Variants in VNN1 observed in about 807,000 individuals in gnomAD.
The protein encoded by VNN1 is vanin 1, also known as pantetheinase.
A neutral mutation model predicts 41.9 loss-of-function variants in VNN1; 29 were observed. The ratio of observed to expected loss-of-function variants is 0.69; its 90% CI spans 0.52 to 0.94. The LOEUF (loss-of-function observed/expected upper bound fraction) is 0.94, where lower values mean the gene tolerates loss of function less well. Ranked by LOEUF, VNN1 falls within the 40% of genes least tolerant of loss-of-function variation. The probability of loss-of-function intolerance (pLI) is 0.00; values close to 1 mark genes in which losing one functional copy is unlikely to be tolerated. For synonymous variants in VNN1, 233 were observed against 224.4 expected, an observed-to-expected ratio of 1.04 and a Z score of -0.34; for missense variants, 637 against 621.1, an observed-to-expected ratio of 1.03 and a Z score of -0.27.
intron 2 of VNN1, among the ~76,000 whole-genome samples, chr6:132,696,934 T>C (rs1353589713): frequency 6.6e-6 from 1 of 151,678 alleles, no homozygotes; most frequent in African/African-American, 2.4e-5. Flanking sequence ...TGAAACCCCG[T>C]CTCCACTAAA....
At chr6:132,689,110 T>C (rs1014929234) in intron 5 of VNN1, among the ~76,000 whole-genome samples, 1 of 152,274 alleles carries the variant, frequency 6.6e-6, no homozygotes. Context: ...GGTCACAAAC[T>C]CCTGATCTCA....
Position 132,693,213 on chromosome 6 carries a change from C to A in VNN1, c.637G>T (p.Asp213Tyr). The part of the protein sequence containing the change: ...FGSFGIFTCF[D>Y]ILFHDPAVTL... ...ACAGCAGGATCATGGAAGAGTATAT[C>A]AAAGCATGTGAAAATGCCAAAACTT... Residue 213 changes from aspartate (D) to tyrosine (Y), a missense_variant, in exon 4 of 7, where the codon GAT becomes TAT. By Grantham distance (160) the Asp-to-Tyr change is radical. Transcript: ENST00000367928. 1.9e-6 allele frequency: 3 copies of A among 1,614,070 alleles called. No individual in the cohort carries two copies. Among genetic ancestry groups the A allele is most frequent in the Non-Finnish European group, 2.5e-6 (3 of 1,179,988 alleles).
chr6:132,686,290 T>C (rs374761456), intron 5 of VNN1, among the ~76,000 whole-genome samples: 14 of 151,804 alleles, frequency 9.2e-5, no homozygotes, highest in African/African-American at 3.4e-4. Flanking sequence ...GTACCAAAAA[T>C]ATAAAAAATT....
intron 5 of VNN1, among the ~76,000 whole-genome samples, chr6:132,688,273 G>A (rs1191696524): frequency 2.6e-5 from 4 of 152,050 alleles, no homozygotes; most frequent in South Asian, 2.1e-4. Flanking sequence ...ATAATCCCAT[G>A]TTTTCCAATA....
At chr6:132,711,900 G>A in intron 1 of VNN1, 61 bp from the exon 2 acceptor site, 1 of 1,578,392 alleles carries the variant, frequency 6.3e-7, no homozygotes, top group Non-Finnish European at 8.6e-7. Context: ...GAGCTGAGTG[G>A]CTGAGTAACA....
At position 132,713,755 on chromosome 6, in the gene VNN1, T is replaced by C. The variant is rs1401385430; in HGVS notation, c.210+71A>G. 3.3e-6 allele frequency: 5 copies of C among 1,515,210 alleles called. No homozygotes were observed. In the Admixed American group the frequency reaches 9.2e-5, roughly 28 times the overall value. The allele number at this position is 1,515,210 out of a possible 1,614,324, so 93.9% of individuals were successfully genotyped here. On this transcript the variant is annotated intron_variant, in intron 1 of 6. Transcript: ENST00000367928. ...CTAAAAGTGTAACTGACCCTGACAG[T>C]GGCCCTGTCTCCTAGGACCCCCTCC...
At chr6:132,709,326 C>A (rs1778563342) in intron 2 of VNN1, among the ~76,000 whole-genome samples, 1 of 152,042 alleles carries the variant, frequency 6.6e-6, no homozygotes, top group Non-Finnish European at 1.5e-5. Flanking sequence ...CACTTCATTG[C>A]CCAGAACAAT....
rs1778143403 is a variant in VNN1, at chr6:132,682,709, T to C, written c.*431A>G. On this transcript the variant is annotated 3_prime_UTR_variant, in exon 7 of 7. Coordinates refer to ENST00000367928, the MANE Select transcript of VNN1 (RefSeq NM_004666.3). ...CAACCCACAAGAGAATCAAAATGTA[T>C]TGTTTAGGTAAAAAACAAAAAGAGC... 1 of 153,044 alleles carries C rather than the reference T, an allele frequency of 6.5e-6. No homozygotes were observed. Among genetic ancestry groups the C allele is most frequent in the Admixed American group, 6.5e-5 (1 of 15,294 alleles). The allele number at this position is 153,044 out of a possible 1,614,324, so 9.5% of individuals were successfully genotyped here. A position where few individuals can be genotyped will look rare whatever the true frequency, so the allele number is the denominator to read the frequency against.
intron 1 of VNN1, among the ~76,000 whole-genome samples, 161 bp from the exon 2 acceptor site, chr6:132,712,000 C>CT (rs1280107479): frequency 2.0e-5 from 3 of 151,342 alleles, no homozygotes; most frequent in Non-Finnish European, 2.9e-5. Flanking sequence ...TTTTAATTTC[C>CT]TTTTTTTTCA....
chr6:132,693,798 T>C (rs1483343681), intron 3 of VNN1, among the ~76,000 whole-genome samples, 192 bp downstream of exon 3: 1 of 152,206 alleles, frequency 6.6e-6, no homozygotes, highest in East Asian at 1.9e-4. Context: ...AACACACTCC[T>C]GTGTTCTTAT....
chr6:132,705,123 T>C (rs118163924), intron 2 of VNN1, among the ~76,000 whole-genome samples: 383 of 152,242 alleles, frequency 2.5e-3, no homozygotes, highest in Non-Finnish European at 4.4e-3. Context: ...ATACAAATCC[T>C]ATTCAAACTA....
At chr6:132,702,889 G>C (rs12660840) in intron 2 of VNN1, among the ~76,000 whole-genome samples, 10,838 of 152,220 alleles carry the variant, frequency 0.071, 397 homozygotes, top group East Asian at 0.11. Flanking sequence ...TACTCACCAC[G>C]AGGCTTGGGT....
chr6:132,706,169 A>C (rs1426323661), intron 2 of VNN1, among the ~76,000 whole-genome samples: 2 of 152,146 alleles, frequency 1.3e-5, no homozygotes, highest in Non-Finnish European at 2.9e-5. Context: ...AAATTCTGAA[A>C]TTTACGTGGA....
At chr6:132,711,958 T>C (rs1778607042) in intron 1 of VNN1, 119 bp from the exon 2 acceptor site, 1 of 969,354 alleles carries the variant, frequency 1.0e-6, no homozygotes, top group East Asian at 3.2e-5. Context: ...TTGTTTTCTA[T>C]ATTTTTATAA....
rs1582765256 is a variant in VNN1 at position 132,683,035 on chromosome 6, G to C, written c.*105C>G. On this transcript the variant is annotated 3_prime_UTR_variant, in exon 7 of 7. Coordinates refer to ENST00000367928, the MANE Select transcript of VNN1 (RefSeq NM_004666.3). ...TGTTTGTCTAAATAAAGAGAAACTA[G>C]TAATTCACTTATACTAGAGGATAAT... 1 of 927,790 alleles carries C rather than the reference G, an allele frequency of 1.1e-6. No individual in the cohort carries two copies. Among genetic ancestry groups the C allele is most frequent in the East Asian group, 2.8e-5 (1 of 35,706 alleles). The allele number at this position is 927,790 out of a possible 1,614,324, so 57.5% of individuals were successfully genotyped here. A position where few individuals can be genotyped will look rare whatever the true frequency, so the allele number is the denominator to read the frequency against.
At chr6:132,693,366 T>C in intron 3 of VNN1, 51 bp from the exon 4 acceptor site, 1 of 1,501,626 alleles carries the variant, frequency 6.7e-7, no homozygotes, top group Non-Finnish European at 8.9e-7. Flanking sequence ...GAAGTTGATC[T>C]GGACATCACA....
chr6:132,687,785 T>C (rs550752729), intron 5 of VNN1, among the ~76,000 whole-genome samples: 1 of 152,244 alleles, frequency 6.6e-6, no homozygotes, highest in East Asian at 1.9e-4. Context: ...TATTCTGAGA[T>C]GCTGTTGGAA....
chr6:132,698,409 G>C (rs528525270), intron 2 of VNN1, among the ~76,000 whole-genome samples: 10 of 152,284 alleles, frequency 6.6e-5, no homozygotes, highest in African/African-American at 2.4e-4. Flanking sequence ...GGGCAACTGG[G>C]GGAAGAATAT....
intron 2 of VNN1, among the ~76,000 whole-genome samples, chr6:132,707,700 G>A (rs540999759): frequency 6.6e-6 from 1 of 152,210 alleles, no homozygotes; most frequent in South Asian, 2.1e-4. Flanking sequence ...CTTATTTGTG[G>A]GATCTGAAAA....
Sources: allele counts gnomAD v4.1 joint callset (sites outside exome capture counted in the v4.1 genomes callset), GRCh38; gene constraint gnomAD v4.1.1; transcripts MANE v1.5; gene names NCBI Gene and HGNC (gene_info 2026-07-23, HGNC 2026-07-21).